FIRRM: variants seen among roughly 807,000 people sequenced by gnomAD.
FIRRM encodes the protein FIGNL1-interacting regulator of recombination and mitosis.
chr1:169,851,976 C>T, the FIRRM span: 2 of 1,613,550 alleles, frequency 1.2e-6, no homozygotes, highest in Non-Finnish European at 1.7e-6. Context: ...TTTAACAAGG[C>T]AAATTCTGCC....
the FIRRM span, among the ~76,000 whole-genome samples, chr1:169,825,093 C>T: frequency 6.6e-6 from 1 of 152,308 alleles, no homozygotes; most frequent in Non-Finnish European, 1.5e-5. Context: ...AGTGCACACA[C>T]GCACACGTAC....
chr1:169,793,507 A>C, the FIRRM span: 23 of 1,613,958 alleles, frequency 1.4e-5, no homozygotes, highest in East Asian at 6.7e-5. Context: ...CCATTGACTT[A>C]TGTTCCCACA....
At chr1:169,803,402 G>A in the FIRRM span, 1 of 1,210,552 alleles carries the variant, frequency 8.3e-7, no homozygotes, top group Non-Finnish European at 1.1e-6. Flanking sequence ...TTACATTTTA[G>A]TCTATATTAT....
chr1:169,817,735 TA>T, the FIRRM span, among the ~76,000 whole-genome samples: 2 of 152,186 alleles, frequency 1.3e-5, no homozygotes, highest in Non-Finnish European at 2.9e-5. Flanking sequence ...CAAATCTATC[TA>T]ATTTTAATCA....
the FIRRM span, among the ~76,000 whole-genome samples, chr1:169,825,296 A>C: frequency 1.3e-5 from 2 of 152,202 alleles, no homozygotes; most frequent in Non-Finnish European, 2.9e-5. Flanking sequence ...GACTTTCATC[A>C]ATGGAACTTC....
chr1:169,808,985 A>G, the FIRRM span, among the ~76,000 whole-genome samples: 1 of 152,220 alleles, frequency 6.6e-6, no homozygotes, highest in African/African-American at 2.4e-5. Context: ...TACATCTGCA[A>G]GCTGATACAG....
the FIRRM span, among the ~76,000 whole-genome samples, chr1:169,797,157 G>T: frequency 0.47 from 71,637 of 152,038 alleles, 17,224 homozygotes; most frequent in Middle Eastern, 0.59. Context: ...ATTCATTAAA[G>T]GGCTAAAAAT....
the FIRRM span, chr1:169,829,466 CT>C: frequency 6.3e-7 from 1 of 1,585,152 alleles, no homozygotes; most frequent in Non-Finnish European, 8.6e-7. Context: ...ATATTACTTA[CT>C]GTGCTAAGCT....
chr1:169,843,321 G>A, the FIRRM span, among the ~76,000 whole-genome samples: 1 of 152,300 alleles, frequency 6.6e-6, no homozygotes, highest in Admixed American at 6.5e-5. Context: ...CCAAAATTAT[G>A]AAGAAGGGAA....
chr1:169,828,347 C>A, the FIRRM span, among the ~76,000 whole-genome samples: 1 of 152,142 alleles, frequency 6.6e-6, no homozygotes, highest in African/African-American at 2.4e-5. Context: ...GCTTCCTATT[C>A]TGCTCAAAAA....
chr1:169,790,047 T>C, the FIRRM span, among the ~76,000 whole-genome samples: 1 of 152,218 alleles, frequency 6.6e-6, no homozygotes, highest in African/African-American at 2.4e-5. Flanking sequence ...AATGATACTG[T>C]TACATGAGAA....
At chr1:169,820,130 T>C in the FIRRM span, among the ~76,000 whole-genome samples, 1 of 152,174 alleles carries the variant, frequency 6.6e-6, no homozygotes, top group African/African-American at 2.4e-5. Flanking sequence ...TTTCAACATG[T>C]GGTCTCTGGG....
chr1:169,849,892 G>T, the FIRRM span: 1 of 468,496 alleles, frequency 2.1e-6, no homozygotes, highest in Non-Finnish European at 3.8e-6. Context: ...TAGTATTTTT[G>T]GGTCAAATGA....
chr1:169,803,985 A>G, the FIRRM span: 1 of 799,674 alleles, frequency 1.3e-6, no homozygotes, highest in Non-Finnish European at 1.8e-6. Flanking sequence ...GATTCAGTAA[A>G]TTTATGATCT....
chr1:169,850,980 C>CTTTTTTTTTTTTTTTTTTT, the FIRRM span: 2 of 31,580 alleles, frequency 6.3e-5, no homozygotes, highest in South Asian at 1.3e-3. Flanking sequence ...TTAGGCATGG[C>CTTTTTTTTTTTTTTTTTTT]TTTTTTTTTT....
the FIRRM span, among the ~76,000 whole-genome samples, chr1:169,789,354 C>A: frequency 6.6e-6 from 1 of 152,128 alleles, no homozygotes; most frequent in Non-Finnish European, 1.5e-5. Context: ...TCTAATTCTC[C>A]AGATGAAACG....
the FIRRM span, among the ~76,000 whole-genome samples, chr1:169,835,220 A>G: frequency 3.3e-5 from 5 of 152,176 alleles, no homozygotes; most frequent in African/African-American, 9.7e-5. Context: ...AGTTAATCCC[A>G]GTATGGTGAT....
the FIRRM span, chr1:169,850,203 CTATT>C: frequency 9.1e-7 from 1 of 1,102,904 alleles, no homozygotes; most frequent in Non-Finnish European, 1.4e-6. Context: ...TAAAACTCAT[CTATT>C]TGTCTTTGCA....
chr1:169,822,243 G>T, the FIRRM span, among the ~76,000 whole-genome samples: 1 of 152,176 alleles, frequency 6.6e-6, no homozygotes, highest in Non-Finnish European at 1.5e-5. Context: ...CTCTTAAATG[G>T]CAGCTGCCCA....
Sources: gnomAD v4.1 joint callset for allele counts (sites outside exome capture counted in the v4.1 genomes callset) on GRCh38, gnomAD v4.1.1 for gene constraint, MANE v1.5 for transcripts, NCBI Gene and HGNC (gene_info 2026-07-23, HGNC 2026-07-21) for gene names.